Variants in CNTNAP5 observed in about 807,000 individuals in gnomAD.
CNTNAP5 encodes the protein contactin-associated protein-like 5.
CNTNAP5 carries 72 observed loss-of-function variants against 150.2 expected under a neutral mutation model. The ratio of observed to expected loss-of-function variants is 0.48; its 90% CI spans 0.40 to 0.58. The LOEUF (loss-of-function observed/expected upper bound fraction) is 0.58. CNTNAP5 is among the 20% of genes least tolerant of loss of function. CNTNAP5 has a pLI of 0.00. For synonymous variants in CNTNAP5, 672 were observed against 619.8 expected (o/e 1.08, Z -1.25); for missense variants, 1,636 against 1,626.2 (o/e 1.01, Z -0.10).
chr2:124,234,775 A>G (rs184470179), intron 2 of CNTNAP5, among the ~76,000 whole-genome samples: 2 of 152,230 alleles, frequency 1.3e-5, no homozygotes, highest in Admixed American at 1.3e-4. Flanking sequence ...CATTTTTCCA[A>G]AGGGAAGATA....
At chr2:124,421,449 G>A (rs1354297706) in intron 4 of CNTNAP5, among the ~76,000 whole-genome samples, 1 of 152,064 alleles carries the variant, frequency 6.6e-6, no homozygotes, top group Non-Finnish European at 1.5e-5. Context: ...CAAGTCCTGC[G>A]CAACTTATCT....
intron 13 of CNTNAP5, among the ~76,000 whole-genome samples, chr2:124,716,416 C>A (rs1224221022): frequency 6.6e-6 from 1 of 152,012 alleles, no homozygotes; most frequent in Non-Finnish European, 1.5e-5. Context: ...ATTTATAGAA[C>A]ACCTGCTTCT....
intron 3 of CNTNAP5, among the ~76,000 whole-genome samples, chr2:124,342,944 T>C (rs906090084): frequency 6.6e-6 from 1 of 152,166 alleles, no homozygotes; most frequent in Non-Finnish European, 1.5e-5. Context: ...TTCATTTGAG[T>C]CTTGGAAATT....
At chr2:124,357,269 T>C (rs928815308) in intron 3 of CNTNAP5, among the ~76,000 whole-genome samples, 34 of 152,234 alleles carry the variant, frequency 2.2e-4, no homozygotes, top group Non-Finnish European at 3.7e-4. Flanking sequence ...CTGTTCACTC[T>C]GATGGTAGTT....
At chr2:124,419,985 T>TTTCC (rs1558894122) in intron 4 of CNTNAP5, among the ~76,000 whole-genome samples, 6 of 126,418 alleles carry the variant, frequency 4.7e-5, no homozygotes, top group African/African-American at 1.4e-4. Flanking sequence ...TCTTTCTTTC[T>TTTCC]TTCTTTTTTT....
At chr2:124,621,208 T>G (rs1207934118) in intron 12 of CNTNAP5, among the ~76,000 whole-genome samples, 1 of 152,192 alleles carries the variant, frequency 6.6e-6, no homozygotes, top group African/African-American at 2.4e-5. Context: ...CTTTGTACAG[T>G]ACAATTGTAC....
chr2:124,533,662 AG>A (rs1695163751), intron 10 of CNTNAP5, among the ~76,000 whole-genome samples: 1 of 152,172 alleles, frequency 6.6e-6, no homozygotes, highest in South Asian at 2.1e-4. Context: ...AATCAGCCCA[AG>A]GGGTGCTGCA....
chr2:124,705,605 A>T (rs901150658), intron 13 of CNTNAP5, among the ~76,000 whole-genome samples: 2 of 152,172 alleles, frequency 1.3e-5, no homozygotes, highest in African/African-American at 4.8e-5. Flanking sequence ...CACTTTAAAT[A>T]AATGTTGAAT....
At chr2:124,476,950 C>G (rs1426187842) in intron 7 of CNTNAP5, among the ~76,000 whole-genome samples, 2 of 152,118 alleles carry the variant, frequency 1.3e-5, no homozygotes, top group Non-Finnish European at 2.9e-5. Context: ...ATACTTAAAA[C>G]AGATCAGGTT....
At chr2:124,906,260 T>C (rs950898461) in intron 22 of CNTNAP5, among the ~76,000 whole-genome samples, 1 of 152,144 alleles carries the variant, frequency 6.6e-6, no homozygotes, top group African/African-American at 2.4e-5. Context: ...TTTTCTAGGA[T>C]GCTTTTTCTA....
At chr2:124,825,622 A>T (rs928389997) in intron 19 of CNTNAP5, among the ~76,000 whole-genome samples, 2 of 152,152 alleles carry the variant, frequency 1.3e-5, no homozygotes, top group African/African-American at 2.4e-5. Flanking sequence ...TAATCAGAAC[A>T]GCTTTTGAAA....
intron 11 of CNTNAP5, among the ~76,000 whole-genome samples, chr2:124,588,651 A>G (rs1241157687): frequency 1.3e-5 from 2 of 152,156 alleles, no homozygotes; most frequent in Admixed American, 1.3e-4. Flanking sequence ...TGTAAATCTC[A>G]TAGATTAATG....
intron 12 of CNTNAP5, among the ~76,000 whole-genome samples, chr2:124,622,193 T>A (rs1238454569): frequency 6.6e-6 from 1 of 152,068 alleles, no homozygotes; most frequent in African/African-American, 2.4e-5. Flanking sequence ...ATCATTCAGT[T>A]CCCACTTGTA....
intron 11 of CNTNAP5, among the ~76,000 whole-genome samples, chr2:124,592,947 T>C (rs1558695520): frequency 1.3e-5 from 2 of 151,896 alleles, no homozygotes; most frequent in African/African-American, 4.8e-5. Context: ...AATGTTTGTT[T>C]ATTTTTTTAA....
chr2:124,823,305 T>A (rs75218029), intron 19 of CNTNAP5, among the ~76,000 whole-genome samples: 1 of 152,298 alleles, frequency 6.6e-6, no homozygotes, highest in Non-Finnish European at 1.5e-5. Flanking sequence ...TGTTGATCTT[T>A]AGAGCCATTC....
intron 21 of CNTNAP5, among the ~76,000 whole-genome samples, chr2:124,891,184 G>A (rs1477760765): frequency 6.6e-6 from 1 of 152,052 alleles, no homozygotes; most frequent in African/African-American, 2.4e-5. Context: ...TATGGCTAGT[G>A]GCTGGGATAG....
intron 19 of CNTNAP5, among the ~76,000 whole-genome samples, chr2:124,808,459 A>G (rs907301426): frequency 3.3e-5 from 5 of 151,836 alleles, no homozygotes; most frequent in African/African-American, 1.2e-4. Context: ...GTGATGGTGC[A>G]TGCCTGTAGT....
chr2:124,267,290 G>C (rs1294148483), intron 3 of CNTNAP5, among the ~76,000 whole-genome samples: 2 of 152,196 alleles, frequency 1.3e-5, no homozygotes. Flanking sequence ...AGGAATGACT[G>C]CTGAATTTAT....
At chr2:124,288,138 C>T (rs1688200368) in intron 3 of CNTNAP5, among the ~76,000 whole-genome samples, 1 of 152,122 alleles carries the variant, frequency 6.6e-6, no homozygotes, top group South Asian at 2.1e-4. Flanking sequence ...CCATGTTTCC[C>T]AGACTAGTCT....
Sources: gnomAD v4.1 joint callset for allele counts (sites outside exome capture counted in the v4.1 genomes callset) on GRCh38, gnomAD v4.1.1 for gene constraint, MANE v1.5 for transcripts, NCBI Gene and HGNC (gene_info 2026-07-23, HGNC 2026-07-21) for gene names.